Variants in ANK2 observed in about 807,000 individuals in gnomAD.
ANK2 encodes the protein ankyrin 2, also known as ankyrin-2.
Under a neutral mutation model 360.5 loss-of-function variants are expected in ANK2, and 83 were observed. The observed-to-expected ratio is 0.23, with a 90% confidence interval of 0.19 to 0.28. ANK2 has a LOEUF of 0.28. Among genes scored for constraint, ANK2 ranks in the 10% least tolerant of loss-of-function variants. The probability of loss-of-function intolerance (pLI) is 1.00; values close to 1 mark genes in which losing one functional copy is unlikely to be tolerated. For missense variants in ANK2, 4,201 were observed against 4,795.7 expected (o/e 0.88, Z 3.66); for synonymous variants, 1,740 against 1,759.5 (o/e 0.99, Z 0.28).
chr4:113,121,940 A>G (rs957552683), intron 1 of ANK2, among the ~76,000 whole-genome samples: 1 of 152,156 alleles, frequency 6.6e-6, no homozygotes. Flanking sequence ...ATATATAATA[A>G]AGTTCTCATC....
intron 2 of ANK2, among the ~76,000 whole-genome samples, chr4:112,964,663 A>G (rs1380297773): frequency 1.4e-5 from 2 of 147,498 alleles, no homozygotes; most frequent in Non-Finnish European, 3.0e-5. Flanking sequence ...TCCACCTTCC[A>G]GGTTCACGCC....
At chr4:113,071,185 A>G (rs1379568197) in intron 1 of ANK2, among the ~76,000 whole-genome samples, 1 of 152,202 alleles carries the variant, frequency 6.6e-6, no homozygotes, top group East Asian at 1.9e-4. Context: ...TTTAAAACAA[A>G]ACCTACATGC....
Position 112,835,396 on chromosome 4 carries a change from A to G in ANK2, c.-40+17132A>G, listed in dbSNP as rs556915945. 4.6e-5 allele frequency among the ~76,000 whole-genome samples: 7 copies of G among 152,214 alleles called. No homozygotes were observed. The East Asian group carries it at 1.4e-3, about 29-fold the overall frequency. On this transcript the variant is annotated intron_variant, in intron 1 of 30. Coordinates refer to the ANK2 transcript ENST00000503271. ...AGTATTTGCTCTTTTTGGTTTGTTTATATTTTTTCCAACTGTATTTTCTCA... is the reference window on the plus strand; with the variant it reads ...AGTATTTGCTCTTTTTGGTTTGTTTGTATTTTTTCCAACTGTATTTTCTCA...
intron 1 of ANK2, among the ~76,000 whole-genome samples, chr4:113,103,100 ATC>A (rs1274428811): frequency 6.6e-6 from 1 of 152,140 alleles, no homozygotes; most frequent in Non-Finnish European, 1.5e-5. Context: ...TTAAAATATT[ATC>A]TGTTTCATCA....
In ANK2 at chr4:112,877,335, G is replaced by A. The variant is rs1326138467; in HGVS notation, c.-39-27120G>A. ...CTGCACATCAGTTCTATTGCCTACT[G>A]CCTTTCTCTCTCTCTCATGCTCTCT... is the stretch of plus-strand genomic sequence containing the variant. On this transcript the variant is annotated intron_variant, in intron 1 of 30. Coordinates refer to the ANK2 transcript ENST00000503271. 3.9e-5 allele frequency among the ~76,000 whole-genome samples: 6 copies of A among 152,262 alleles called. No homozygotes were observed. The South Asian group carries it at 1.0e-3, about 26-fold the overall frequency.
intron 25 of ANK2, 30 bp downstream of exon 25, chr4:113,317,839 C>A (rs377701956): frequency 6.4e-7 from 1 of 1,553,820 alleles, no homozygotes; most frequent in Non-Finnish European, 8.9e-7. Flanking sequence ...CATGTCTTTG[C>A]TTTCTGGAGA....
At chr4:113,297,567 T>G (rs1587565090) in intron 22 of ANK2, among the ~76,000 whole-genome samples, 1 of 152,104 alleles carries the variant, frequency 6.6e-6, no homozygotes, top group South Asian at 2.1e-4. Context: ...TTAAAAATTT[T>G]AAAAATAGGA....
the ANK2 span, among the ~76,000 whole-genome samples, chr4:112,720,774 C>T: frequency 5.3e-5 from 8 of 152,152 alleles, no homozygotes; most frequent in Non-Finnish European, 7.3e-5. Flanking sequence ...TTTCAAAGCA[C>T]TTGACTGTGT....
intron 1 of ANK2, among the ~76,000 whole-genome samples, chr4:113,111,331 T>A (rs2094278945): frequency 6.6e-6 from 1 of 152,182 alleles, no homozygotes; most frequent in South Asian, 2.1e-4. Context: ...ATTGTTTCCC[T>A]TGAGATGCTA....
At chr4:113,164,652 C>T (rs953354920) in intron 1 of ANK2, among the ~76,000 whole-genome samples, 8 of 152,174 alleles carry the variant, frequency 5.3e-5, no homozygotes, top group African/African-American at 1.9e-4. Flanking sequence ...TAAATTAACA[C>T]TATAAGATGC....
chr4:113,131,084 A>G (rs1262941232), intron 1 of ANK2, among the ~76,000 whole-genome samples: 1 of 152,230 alleles, frequency 6.6e-6, no homozygotes, highest in Non-Finnish European at 1.5e-5. Context: ...CAAATGTTTA[A>G]AAACTGTAAC....
chr4:113,097,840 ATG>A (rs541314094), intron 1 of ANK2, among the ~76,000 whole-genome samples: 1,431 of 16,352 alleles, frequency 0.088, 11 homozygotes, highest in Non-Finnish European at 0.11. Flanking sequence ...TTGTATATAT[ATG>A]TGTGTGTGTG....
intron 1 of ANK2, among the ~76,000 whole-genome samples, chr4:112,894,363 T>G (rs2081101666): frequency 6.6e-6 from 1 of 152,174 alleles, no homozygotes; most frequent in Admixed American, 6.5e-5. Flanking sequence ...TTAAAATTAT[T>G]GATTGACATA....
chr4:112,969,453 TC>T (rs1245383917), intron 2 of ANK2, among the ~76,000 whole-genome samples: 14 of 152,140 alleles, frequency 9.2e-5, no homozygotes, highest in Non-Finnish European at 1.8e-4. Flanking sequence ...GCCATTGGCT[TC>T]CCCCCGGACT....
At chr4:112,873,777 C>T (rs1045339016) in intron 1 of ANK2, among the ~76,000 whole-genome samples, 6 of 151,572 alleles carry the variant, frequency 4.0e-5, no homozygotes, top group East Asian at 3.9e-4. Context: ...ATCTCGACCT[C>T]GTGATCCGCC....
the ANK2 span, among the ~76,000 whole-genome samples, chr4:112,737,622 T>C: frequency 1.3e-5 from 2 of 152,176 alleles, no homozygotes; most frequent in Non-Finnish European, 2.9e-5. Context: ...GACTGGTACA[T>C]TGGTGCTAGT....
At chr4:113,016,439 TCA>T (rs1409210621) in intron 2 of ANK2, among the ~76,000 whole-genome samples, 1 of 152,154 alleles carries the variant, frequency 6.6e-6, no homozygotes, top group African/African-American at 2.4e-5. Context: ...TGCAAAATTA[TCA>T]CATATTTTTG....
At chr4:112,881,583 T>C in intron 1 of ANK2, 1 of 289,628 alleles carries the variant, frequency 3.5e-6, no homozygotes, top group Non-Finnish European at 6.4e-6. Context: ...CTATTACATT[T>C]AGCAATCAAC....
intron 1 of ANK2, among the ~76,000 whole-genome samples, chr4:113,125,326 A>T (rs1056702153): frequency 4.0e-4 from 61 of 152,308 alleles, no homozygotes; most frequent in African/African-American, 1.4e-3. Context: ...TACTTTTATT[A>T]TTATAAAGAT....
Sources: allele counts gnomAD v4.1 joint callset (sites outside exome capture counted in the v4.1 genomes callset), GRCh38; gene constraint gnomAD v4.1.1; transcripts MANE v1.5; gene names NCBI Gene and HGNC (gene_info 2026-07-23, HGNC 2026-07-21).